SMAD2: variants seen among roughly 807,000 people sequenced by gnomAD.
The protein encoded by SMAD2 is SMAD family member 2.
Under a neutral mutation model 64.4 loss-of-function variants are expected in SMAD2, and 8 were observed. That is an observed-to-expected ratio of 0.12 (90% CI 0.07 to 0.22). The LOEUF (loss-of-function observed/expected upper bound fraction) is 0.22, where lower values mean the gene tolerates loss of function less well. Among genes scored for constraint, SMAD2 ranks in the 10% least tolerant of loss-of-function variants. The pLI is 1.00. For synonymous variants in SMAD2, 203 were observed against 195.8 expected (o/e 1.04, Z -0.31); for missense variants, 289 against 561.2 (o/e 0.51, Z 4.90).
rs1913830368 is a variant in SMAD2 at position 47,840,397 on chromosome 18, C to T, written c.*1430G>A. On this transcript the variant is annotated 3_prime_UTR_variant, in exon 11 of 11. Coordinates refer to ENST00000262160, the MANE Select transcript of SMAD2 (RefSeq NM_005901.6). ...TATTTGCTGCAGAATGAACTAGCAA[C>T]AGAGTTTCGGAAATCTCCTCTCACT... is the stretch of plus-strand genomic sequence containing the variant. 1 of 232,704 alleles carries T rather than the reference C, an allele frequency of 4.3e-6. No homozygotes were observed. Among genetic ancestry groups the T allele is most frequent in the Non-Finnish European group, 8.5e-6 (1 of 117,820 alleles). 14.4% of individuals were successfully genotyped at this position (232,704 alleles called of 1,614,324 possible).
intron 1 of SMAD2, among the ~76,000 whole-genome samples, chr18:47,919,507 CACACACACACACAA>C (rs1266253178): frequency 2.4e-5 from 3 of 127,658 alleles, no homozygotes; most frequent in Non-Finnish European, 4.8e-5. Context: ...CACACACACA[CACACACACACACAA>C]AGAATAGGAG....
rs1912653287 is a variant in SMAD2, at chr18:47,823,754, G to C, written c.*18073C>G. 1 of 152,200 alleles carries C rather than the reference G, an allele frequency of 6.6e-6. No homozygotes were observed. Among genetic ancestry groups the C allele is most frequent in the South Asian group, 2.1e-4 (1 of 4,822 alleles). The allele number at this position is 152,200 out of a possible 1,614,324, so 9.4% of individuals were successfully genotyped here. On this transcript the variant is annotated 3_prime_UTR_variant, in exon 11 of 11. Transcript: ENST00000262160. ...GATTTATTCAATTGGTTGCCTGTAA[G>C]CCTAGGTTCAGGGCTCAAAACCATT...
intron 7 of SMAD2, among the ~76,000 whole-genome samples, chr18:47,849,761 A>T (rs62086537): frequency 0.23 from 35,086 of 152,022 alleles, 5,006 homozygotes; most frequent in East Asian, 0.34. Flanking sequence ...TAATCCCAGC[A>T]CTTTAGGAGG....
intron 1 of SMAD2, among the ~76,000 whole-genome samples, chr18:47,924,837 A>G (rs1029147925): frequency 6.6e-6 from 1 of 152,228 alleles, no homozygotes; most frequent in African/African-American, 2.4e-5. Context: ...GACCTTAACC[A>G]TTATGTCTCT....
chr18:47,820,399 A>C lies in SMAD2; in HGVS notation c.*21428T>G, dbSNP rs1029686856. On this transcript the variant is annotated 3_prime_UTR_variant, in exon 11 of 11. Coordinates refer to ENST00000262160, the MANE Select transcript of SMAD2 (RefSeq NM_005901.6). ...AGATGTTTTGATGAGAAAAGTTATA[A>C]GGCATAAAAATTGCTTTTTATTGGG... 2 of 152,218 alleles carry C rather than the reference A, an allele frequency of 1.3e-5. No homozygotes were observed. Among genetic ancestry groups the C allele is most frequent in the African/African-American group, 2.4e-5 (1 of 41,466 alleles). 9.4% of individuals were successfully genotyped at this position (152,218 alleles called of 1,614,324 possible).
intron 10 of SMAD2, 88 bp downstream of exon 10, chr18:47,845,252 T>C (rs781465847): frequency 2.5e-5 from 32 of 1,304,748 alleles, no homozygotes; most frequent in South Asian, 1.6e-4. Context: ...TCATTGAAAA[T>C]AGATACAAAT....
intron 1 of SMAD2, among the ~76,000 whole-genome samples, chr18:47,906,002 C>T (rs2033887474): frequency 6.6e-6 from 1 of 151,776 alleles, no homozygotes; most frequent in African/African-American, 2.4e-5. Context: ...CCTGTGCTCC[C>T]AGTTAGGAGG....
At chr18:47,859,367 T>C (rs2030986576) in intron 6 of SMAD2, among the ~76,000 whole-genome samples, 1 of 152,194 alleles carries the variant, frequency 6.6e-6, no homozygotes, top group African/African-American at 2.4e-5. Flanking sequence ...CACTATAGTA[T>C]ATACATTCTT....
chr18:47,883,746 G>C (rs946735426), intron 2 of SMAD2, among the ~76,000 whole-genome samples: 2 of 152,196 alleles, frequency 1.3e-5, no homozygotes, highest in African/African-American at 4.8e-5. Flanking sequence ...TGTATGCTGC[G>C]TGCCATTTTT....
rs1312593727 is a variant in SMAD2, at chr18:47,841,034, T to C, written c.*793A>G. ...CCAGCAGTATCAATGCAACTATTACTGGTGATGATGTCATGTTATGCTGTT... is the reference window on the plus strand; with the variant it reads ...CCAGCAGTATCAATGCAACTATTACCGGTGATGATGTCATGTTATGCTGTT... On this transcript the variant is annotated 3_prime_UTR_variant, in exon 11 of 11. Transcript: ENST00000262160. 1 of 232,228 alleles carries C rather than the reference T, an allele frequency of 4.3e-6. No individual in the cohort carries two copies. The highest frequency in any genetic ancestry group is 8.5e-6 in the Non-Finnish European group (1 of 117,634). The allele number at this position is 232,228 out of a possible 1,614,324, so 14.4% of individuals were successfully genotyped here.
chr18:47,924,733 G>C (rs1454620504), intron 1 of SMAD2, among the ~76,000 whole-genome samples: 1 of 152,184 alleles, frequency 6.6e-6, no homozygotes, highest in African/African-American at 2.4e-5. Flanking sequence ...AAAGTGCTGG[G>C]ATTACAGGCG....
chr18:47,893,845 T>C (rs1468785425), intron 2 of SMAD2, among the ~76,000 whole-genome samples: 2 of 152,220 alleles, frequency 1.3e-5, no homozygotes, highest in South Asian at 2.1e-4. Flanking sequence ...TCTCCATTTT[T>C]GCAACATCTA....
chr18:47,894,739 C>A (rs1335613615), intron 2 of SMAD2, among the ~76,000 whole-genome samples: 2 of 152,104 alleles, frequency 1.3e-5, no homozygotes, highest in Admixed American at 1.3e-4. Flanking sequence ...AGTTTATCTC[C>A]CTTACTAGGA....
intron 1 of SMAD2, among the ~76,000 whole-genome samples, chr18:47,913,555 T>G (rs1396793025): frequency 6.6e-6 from 1 of 152,220 alleles, no homozygotes; most frequent in Non-Finnish European, 1.5e-5. Flanking sequence ...AAAATAACAT[T>G]TGTTGTAAGT....
chr18:47,923,455 T>C (rs1475249736), intron 1 of SMAD2: 3 of 152,204 alleles, frequency 2.0e-5, no homozygotes, highest in Non-Finnish European at 2.9e-5. Context: ...ACAGTAGCCA[T>C]CAGCTGCATA....
chr18:47,853,656 G>C (rs544845076), intron 6 of SMAD2, among the ~76,000 whole-genome samples: 1 of 152,126 alleles, frequency 6.6e-6, no homozygotes, highest in East Asian at 1.9e-4. Context: ...ATAAATAAAT[G>C]AATCAGAGAA....
At chr18:47,850,062 T>C (rs927953007) in intron 7 of SMAD2, among the ~76,000 whole-genome samples, 3 of 147,240 alleles carry the variant, frequency 2.0e-5, no homozygotes, top group Non-Finnish European at 4.5e-5. Context: ...CGTATTGTTA[T>C]TTTCATTTTT....
rs989234263 is a variant in SMAD2 at position 47,840,974 on chromosome 18, T to C, written c.*853A>G. The C allele has an allele frequency of 2.6e-5, 6 of 232,404 alleles. No homozygotes were observed. The highest frequency in any genetic ancestry group is 1.3e-4 in the African/African-American group (6 of 45,304). The allele number at this position is 232,404 out of a possible 1,614,324, so 14.4% of individuals were successfully genotyped here. On this transcript the variant is annotated 3_prime_UTR_variant, in exon 11 of 11. Transcript: ENST00000262160. ...GCATAAGACAAAGGGACTTTCTCCA[T>C]ATGAATTCTTACTGTATCCCAGAAT...
At position 47,903,882 on chromosome 18, in the gene SMAD2, G is replaced by T. The variant is rs1034751503; in HGVS notation, c.-53-7073C>A. ...AAAGAGGGAAAAAACAGTGTGGGGG[G>T]GGGGGGGACTCAGAATATCCAAAAC... On this transcript the variant is annotated intron_variant, in intron 1 of 10. Coordinates refer to ENST00000262160, the MANE Select transcript of SMAD2 (RefSeq NM_005901.6). 1.1e-3 allele frequency among the ~76,000 whole-genome samples: 160 copies of T among 140,532 alleles called. 10 individuals carry two copies. The highest frequency in any genetic ancestry group is 3.9e-3 in the African/African-American group (150 of 38,240). The allele number at this position is 140,532 out of a possible 152,430, so 92.2% of individuals were successfully genotyped here. A position where few individuals can be genotyped will look rare whatever the true frequency, so the allele number is the denominator to read the frequency against.
Sources: allele counts gnomAD v4.1 joint callset (sites outside exome capture counted in the v4.1 genomes callset), GRCh38; gene constraint gnomAD v4.1.1; transcripts MANE v1.5; gene names NCBI Gene and HGNC (gene_info 2026-07-23, HGNC 2026-07-21).